KRIT1: variants seen among roughly 807,000 people sequenced by gnomAD.
The protein encoded by KRIT1 is KRIT1 ankyrin repeat containing.
In KRIT1, 45 loss-of-function variants were observed where a neutral mutation model predicts 95.8. The ratio of observed to expected loss-of-function variants is 0.47; its 90% CI spans 0.37 to 0.60. KRIT1 has a LOEUF of 0.60. Ranked by LOEUF, KRIT1 falls within the 20% of genes least tolerant of loss-of-function variation. The probability of loss-of-function intolerance (pLI) is 0.00; values close to 1 mark genes in which losing one functional copy is unlikely to be tolerated. For synonymous variants in KRIT1, 282 were observed against 278.8 expected, an observed-to-expected ratio of 1.01 and a Z score of -0.11; for missense variants, 788 against 877.5, an observed-to-expected ratio of 0.90 and a Z score of 1.29.
intron 13 of KRIT1, 96 bp downstream of exon 13, chr7:92,222,726 T>G: frequency 1.3e-6 from 1 of 761,534 alleles, no homozygotes; most frequent in East Asian, 2.6e-5. Context: ...ATTTCAAAAT[T>G]TAAGAGTCAA....
At chr7:92,226,740 T>C in intron 10 of KRIT1, 58 bp from the exon 11 acceptor site, 2 of 1,528,692 alleles carry the variant, frequency 1.3e-6, no homozygotes, top group South Asian at 2.3e-5. Flanking sequence ...CCTAAAAAGA[T>C]CATCTGAAAT....
chr7:92,213,926 G>A lies in KRIT1; in HGVS notation c.1784C>T (p.Pro595Leu). 1 of 1,610,330 alleles carries A rather than the reference G, an allele frequency of 6.2e-7. No homozygotes were observed. Among genetic ancestry groups the A allele is most frequent in the Non-Finnish European group, 8.5e-7 (1 of 1,176,804 alleles). ...ATGAAGTATGCGATTTGTCCAGTGAGGTGCCTTACTTTTCAGTTTGGTAAC... is the reference window on the plus strand; with the variant it reads ...ATGAAGTATGCGATTTGTCCAGTGAAGTGCCTTACTTTTCAGTTTGGTAAC... ...VPVTKLKSKA[P>L]HWTNRILHEY... Residue 595 changes from proline (P) to leucine (L), a missense_variant, in exon 16 of 19, where the codon CCT becomes CTT. Pro to Leu is a moderately conservative substitution (Grantham distance 98). This residue lies in a region of KRIT1 where 493 missense variants were observed against 582.3 expected (regional missense o/e 0.85). Transcript: ENST00000394505.
chr7:92,243,659 TA>T (rs1800193726), intron 3 of KRIT1, among the ~76,000 whole-genome samples: 1 of 152,314 alleles, frequency 6.6e-6, no homozygotes, highest in Non-Finnish European at 1.5e-5. Flanking sequence ...CTTATGATTG[TA>T]AAATTACCCT....
chr7:92,245,359 CAA>C (rs1585053613), intron 1 of KRIT1, 188 bp from the exon 2 acceptor site: 1 of 151,962 alleles, frequency 6.6e-6, no homozygotes, highest in Non-Finnish European at 1.5e-5. Context: ...CCTCTTTGCT[CAA>C]AGAGTTTCCA....
chr7:92,229,071 G>A lies in KRIT1; in HGVS notation c.990-2389C>T, dbSNP rs186950750. Among the ~76,000 whole-genome samples the A allele has an allele frequency of 1.8e-3, 281 of 152,204 alleles. 2 individuals carry two copies. Among genetic ancestry groups the A allele is most frequent in the African/African-American group, 6.3e-3 (263 of 41,544 alleles). ...TCCATGTGTGTGCATGTGTCTTTAT[G>A]GCAAAATGATTTATATTCCTCTGGG... On this transcript the variant is annotated intron_variant, in intron 10 of 18. Transcript: ENST00000394505.
chr7:92,215,116 ATTTTT>A (rs142152544), intron 14 of KRIT1, among the ~76,000 whole-genome samples: 1 of 151,966 alleles, frequency 6.6e-6, no homozygotes, highest in African/African-American at 2.4e-5. Flanking sequence ...GGAAATAGTT[ATTTTT>A]TTTAACAATC....
chr7:92,223,819 G>A (rs75953310), intron 12 of KRIT1, among the ~76,000 whole-genome samples: 104 of 152,264 alleles, frequency 6.8e-4, no homozygotes, highest in Non-Finnish European at 1.4e-3. Flanking sequence ...CCAGAAAGTA[G>A]TAGCATTCTC....
At chr7:92,226,908 TA>T (rs1227856115) in intron 10 of KRIT1, among the ~76,000 whole-genome samples, 3 of 152,214 alleles carry the variant, frequency 2.0e-5, no homozygotes, top group Admixed American at 2.0e-4. Flanking sequence ...CTATTTCTGA[TA>T]AACTGGAAGA....
chr7:92,219,900 C>T (rs1458507574), intron 14 of KRIT1, among the ~76,000 whole-genome samples: 2 of 152,114 alleles, frequency 1.3e-5, no homozygotes, highest in Non-Finnish European at 2.9e-5. Flanking sequence ...TTTTAATGGA[C>T]TTCTTAATCT....
At chr7:92,213,456 C>A in intron 16 of KRIT1, 55 bp from the exon 17 acceptor site, 1 of 1,168,046 alleles carries the variant, frequency 8.6e-7, no homozygotes, top group South Asian at 1.3e-5. Flanking sequence ...GAAAATGTAC[C>A]ATTGATAATC....
At chr7:92,223,266 A>G (rs1200015126) in intron 12 of KRIT1, among the ~76,000 whole-genome samples, 2 of 146,588 alleles carry the variant, frequency 1.4e-5, no homozygotes, top group African/African-American at 2.6e-5. Context: ...CGTCTCTACT[A>G]AAAATACAAA....
At chr7:92,223,890 A>T (rs542924351) in intron 12 of KRIT1, among the ~76,000 whole-genome samples, 2 of 152,346 alleles carry the variant, frequency 1.3e-5, no homozygotes, top group East Asian at 3.9e-4. Context: ...AGGCCAGTTC[A>T]CTTTGGATAA....
At chr7:92,243,845 TAC>T (rs540181908) in intron 3 of KRIT1, among the ~76,000 whole-genome samples, 155 bp downstream of exon 3, 2 of 152,138 alleles carry the variant, frequency 1.3e-5, no homozygotes, top group Non-Finnish European at 2.9e-5. Context: ...AAAAAAACCC[TAC>T]AGATATTTCA....
At chr7:92,208,963 C>T (rs1426621511) in intron 17 of KRIT1, among the ~76,000 whole-genome samples, 5 of 152,070 alleles carry the variant, frequency 3.3e-5, no homozygotes, top group African/African-American at 4.8e-5. Context: ...TACCAAACTG[C>T]GTCCAACAAC....
intron 12 of KRIT1, among the ~76,000 whole-genome samples, chr7:92,224,104 G>T (rs1199377252): frequency 6.6e-6 from 1 of 152,172 alleles, no homozygotes; most frequent in Non-Finnish European, 1.5e-5. Context: ...TGGTATGTGT[G>T]TAACATTAAA....
At chr7:92,207,575 A>G (rs1252086930) in intron 17 of KRIT1, among the ~76,000 whole-genome samples, 1 of 152,168 alleles carries the variant, frequency 6.6e-6, no homozygotes, top group Non-Finnish European at 1.5e-5. Context: ...TGGATTTAAC[A>G]GCCAGGTGCA....
In KRIT1 at chr7:92,204,563, T is replaced by C. The variant is rs141024517; in HGVS notation, c.2026-3140A>G. 7.2e-5 allele frequency among the ~76,000 whole-genome samples: 11 copies of C among 151,836 alleles called. No homozygotes were observed. In the East Asian group the frequency reaches 2.1e-3, roughly 29 times the overall value. On this transcript the variant is annotated intron_variant, in intron 17 of 18. Coordinates refer to ENST00000394505, the MANE Select transcript of KRIT1 (RefSeq NM_194454.3). ...TTTCCTGCAACTAGATGGTCCCATC[T>C]GGGGGTGATGGGAGGCAGTGACAGA...
At chr7:92,225,951 T>A (rs1796128798) in intron 11 of KRIT1, 124 bp from the exon 12 acceptor site, 1 of 651,124 alleles carries the variant, frequency 1.5e-6, no homozygotes, top group Admixed American at 2.5e-5. Flanking sequence ...AAAGTAAATA[T>A]TAACCACACT....
intron 14 of KRIT1, among the ~76,000 whole-genome samples, chr7:92,220,305 T>C (rs1794871851): frequency 6.6e-6 from 1 of 152,220 alleles, no homozygotes; most frequent in African/African-American, 2.4e-5. Context: ...TTCCCTCCCT[T>C]TCATTCTATT....
Sources: gnomAD v4.1 joint callset for allele counts (sites outside exome capture counted in the v4.1 genomes callset) on GRCh38, gnomAD v4.1.1 for gene constraint, gnomAD v4.1.1 regional missense constraint, MANE v1.5 for transcripts, NCBI Gene and HGNC (gene_info 2026-07-23, HGNC 2026-07-21) for gene names.